Variants in UNC5C observed in about 807,000 individuals in gnomAD.
UNC5C encodes unc-5 netrin receptor C.
Under a neutral mutation model 99.8 loss-of-function variants are expected in UNC5C, and 47 were observed. That is an observed-to-expected ratio of 0.47 (90% CI 0.37 to 0.60). The LOEUF (loss-of-function observed/expected upper bound fraction) is 0.60. Among genes scored for constraint, UNC5C ranks in the 20% least tolerant of loss-of-function variants. UNC5C has a pLI of 0.00. For missense variants in UNC5C, 1,062 were observed against 1,165.9 expected (o/e 0.91, Z 1.30); for synonymous variants, 487 against 452.2 (o/e 1.08, Z -0.98).
chr4:95,311,461 T>C (rs749820898), intron 2 of UNC5C, among the ~76,000 whole-genome samples: 6 of 152,180 alleles, frequency 3.9e-5, no homozygotes, highest in Non-Finnish European at 8.8e-5. Context: ...TCTTGGAAAA[T>C]ATAATTCCTA....
chr4:95,300,281 C>T lies in UNC5C; in HGVS notation c.490+1325G>A, dbSNP rs369266745. On this transcript the variant is annotated intron_variant, in intron 3 of 15. Transcript: ENST00000453304. ...TGCAAGCTGCAGCCTCCTTCTCCCT[C>T]GTGGTGATAACATGCATATTAGTGT... Among the ~76,000 whole-genome samples, 37 of 152,270 alleles carry T rather than the reference C, an allele frequency of 2.4e-4. 1 individual carries two copies. In the South Asian group the frequency reaches 2.9e-3, roughly 12 times the overall value.
intron 12 of UNC5C, among the ~76,000 whole-genome samples, chr4:95,192,388 C>T (rs1263116698): frequency 7.9e-6 from 1 of 126,710 alleles, no homozygotes; most frequent in Non-Finnish European, 1.7e-5. Flanking sequence ...CTCCTGCTCA[C>T]CTCTTCTGCC....
chr4:95,229,254 T>C (rs1738810453), intron 7 of UNC5C, among the ~76,000 whole-genome samples: 1 of 152,116 alleles, frequency 6.6e-6, no homozygotes, highest in Non-Finnish European at 1.5e-5. Flanking sequence ...CATTAGGTTT[T>C]CTCCTAATGC....
intron 14 of UNC5C, among the ~76,000 whole-genome samples, chr4:95,176,688 T>A (rs1403540232): frequency 6.6e-6 from 1 of 152,218 alleles, no homozygotes; most frequent in African/African-American, 2.4e-5. Flanking sequence ...GTTACTGCTG[T>A]CTTTTTGTTT....
chr4:95,332,288 G>C (rs905588626), intron 2 of UNC5C, among the ~76,000 whole-genome samples: 18 of 150,822 alleles, frequency 1.2e-4, no homozygotes, highest in Non-Finnish European at 2.4e-4. Flanking sequence ...AAAGAACAAA[G>C]CTGGAGGCAT....
chr4:95,192,175 A>C (rs561617755), intron 12 of UNC5C, among the ~76,000 whole-genome samples: 19 of 74,038 alleles, frequency 2.6e-4, no homozygotes, highest in Middle Eastern at 0.015. Context: ...TCCCCTGCTC[A>C]CCTCCTCCCT....
At chr4:95,222,119 A>T (rs1738491200) in intron 7 of UNC5C, 6 of 897,104 alleles carry the variant, frequency 6.7e-6, no homozygotes, top group Non-Finnish European at 9.6e-6. Context: ...TCCTGTGTGC[A>T]CATCTGTAAT....
intron 2 of UNC5C, among the ~76,000 whole-genome samples, chr4:95,320,439 GA>G (rs1742644735): frequency 7.4e-6 from 1 of 134,240 alleles, no homozygotes; most frequent in South Asian, 2.3e-4. Context: ...AAAAAAAAAA[GA>G]AAAGAAAAGA....
intron 1 of UNC5C, among the ~76,000 whole-genome samples, chr4:95,406,399 G>A (rs968019895): frequency 6.6e-6 from 1 of 152,150 alleles, no homozygotes; most frequent in African/African-American, 2.4e-5. Context: ...ATGATCCATA[G>A]GTACCGTGGC....
At chr4:95,519,501 A>G (rs1722296384) in intron 1 of UNC5C, among the ~76,000 whole-genome samples, 1 of 152,116 alleles carries the variant, frequency 6.6e-6, no homozygotes, top group African/African-American at 2.4e-5. Context: ...AAAAACTTCA[A>G]CAGAAAAGCT....
At chr4:95,350,786 T>C (rs371760828) in intron 1 of UNC5C, among the ~76,000 whole-genome samples, 35 of 152,262 alleles carry the variant, frequency 2.3e-4, no homozygotes, top group African/African-American at 8.2e-4. Flanking sequence ...TCTGTGATGG[T>C]CAATTATATG....
At chr4:95,368,660 G>A (rs1459755221) in intron 1 of UNC5C, among the ~76,000 whole-genome samples, 3 of 152,034 alleles carry the variant, frequency 2.0e-5, no homozygotes, top group African/African-American at 4.8e-5. Flanking sequence ...CAAAGTCCAG[G>A]TGAGACCTAA....
intron 12 of UNC5C, among the ~76,000 whole-genome samples, chr4:95,190,412 C>T (rs1298792388): frequency 2.0e-5 from 3 of 152,102 alleles, no homozygotes; most frequent in South Asian, 2.1e-4. Context: ...ATGGGTGCAG[C>T]ACACCAACAT....
chr4:95,261,807 A>G (rs1310528254), intron 4 of UNC5C, among the ~76,000 whole-genome samples: 2 of 151,848 alleles, frequency 1.3e-5, no homozygotes, highest in Non-Finnish European at 2.9e-5. Flanking sequence ...GGGTTCAAGC[A>G]ATTCTCCTAC....
chr4:95,486,936 T>C (rs1193345568), intron 1 of UNC5C, among the ~76,000 whole-genome samples: 1 of 151,658 alleles, frequency 6.6e-6, no homozygotes, highest in African/African-American at 2.4e-5. Context: ...AGGGCTCCAT[T>C]CTCATGAATG....
At chr4:95,463,705 C>T (rs977431415) in intron 1 of UNC5C, among the ~76,000 whole-genome samples, 4 of 152,152 alleles carry the variant, frequency 2.6e-5, no homozygotes, top group South Asian at 4.2e-4. Context: ...CAAATCTCAG[C>T]ATATGACTTT....
At chr4:95,173,503 T>C (rs1736209763) in intron 14 of UNC5C, among the ~76,000 whole-genome samples, 2 of 149,454 alleles carry the variant, frequency 1.3e-5, no homozygotes, top group Non-Finnish European at 3.0e-5. Context: ...GATAATCATG[T>C]GGTTTTTGTC....
chr4:95,440,893 T>G (rs1746931209), intron 1 of UNC5C, among the ~76,000 whole-genome samples: 1 of 152,196 alleles, frequency 6.6e-6, no homozygotes, highest in African/African-American at 2.4e-5. Flanking sequence ...TTACAAACAT[T>G]AAGTAATTTT....
chr4:95,457,443 A>G (rs184167694), intron 1 of UNC5C, among the ~76,000 whole-genome samples: 69 of 152,258 alleles, frequency 4.5e-4, no homozygotes, highest in African/African-American at 1.6e-3. Flanking sequence ...TGTGGTAACA[A>G]TATCAAATAT....
Sources: gnomAD v4.1 joint callset for allele counts (sites outside exome capture counted in the v4.1 genomes callset) on GRCh38, gnomAD v4.1.1 for gene constraint, MANE v1.5 for transcripts, NCBI Gene and HGNC (gene_info 2026-07-23, HGNC 2026-07-21) for gene names.